UQCC1: variants seen among roughly 807,000 people sequenced by gnomAD.
UQCC1 encodes ubiquinol-cytochrome c reductase complex assembly factor 1, also known as bFGF-repressed Zic-binding protein.
A neutral mutation model predicts 48.0 loss-of-function variants in UQCC1; 38 were observed. That is an observed-to-expected ratio of 0.79 (90% CI 0.61 to 1.04). UQCC1 has a LOEUF of 1.04. Ranked by LOEUF, UQCC1 falls within the 50% of genes least tolerant of loss-of-function variation. The probability of loss-of-function intolerance (pLI) is 0.00; values close to 1 mark genes in which losing one functional copy is unlikely to be tolerated. For missense variants in UQCC1, 368 were observed against 381.8 expected (o/e 0.96, Z 0.30); for synonymous variants, 111 against 129.2 (o/e 0.86, Z 0.95).
intron 8 of UQCC1, among the ~76,000 whole-genome samples, chr20:35,309,935 C>T (rs558050905): frequency 1.3e-5 from 2 of 152,298 alleles, no homozygotes; most frequent in South Asian, 4.2e-4. Context: ...AGTAAAATCC[C>T]GGAGAATGAA....
At chr20:35,410,713 A>AAAAAAAAAAAAAAAAAAAAAC (rs1568722206) in intron 1 of UQCC1, among the ~76,000 whole-genome samples, 1 of 119,662 alleles carries the variant, frequency 8.4e-6, no homozygotes, top group African/African-American at 3.4e-5. Flanking sequence ...TCAAAAAAAA[A>AAAAAAAAAAAAAAAAAAAAAC]AAAAAAAAAA....
intron 2 of UQCC1, among the ~76,000 whole-genome samples, chr20:35,385,383 A>T (rs1445672102): frequency 6.6e-6 from 1 of 152,230 alleles, no homozygotes; most frequent in Non-Finnish European, 1.5e-5. Flanking sequence ...TGTGCCAGAT[A>T]CTATACAGAA....
intron 7 of UQCC1, among the ~76,000 whole-genome samples, chr20:35,339,522 G>A (rs1048901234): frequency 3.9e-5 from 6 of 152,252 alleles, no homozygotes; most frequent in South Asian, 2.1e-4. Flanking sequence ...GCACACTTAC[G>A]GCACCAGTGA....
intron 1 of UQCC1, among the ~76,000 whole-genome samples, chr20:35,395,422 C>T (rs367727770): frequency 1.3e-5 from 2 of 151,868 alleles, no homozygotes. Flanking sequence ...GAGGTCGAAA[C>T]CAGCCTGGGC....
At chr20:35,342,882 G>A (rs1189369994) in intron 7 of UQCC1, among the ~76,000 whole-genome samples, 2 of 152,052 alleles carry the variant, frequency 1.3e-5, no homozygotes, top group East Asian at 1.9e-4. Flanking sequence ...CCAGCTTCAC[G>A]ATGATATATG....
intron 8 of UQCC1, among the ~76,000 whole-genome samples, chr20:35,307,853 C>T (rs185611191): frequency 1.3e-5 from 2 of 152,276 alleles, no homozygotes; most frequent in South Asian, 2.1e-4. Context: ...CAGTCAAAAC[C>T]GTGGGGTCTG....
At chr20:35,313,552 G>T (rs983986542) in intron 8 of UQCC1, among the ~76,000 whole-genome samples, 17 of 152,088 alleles carry the variant, frequency 1.1e-4, no homozygotes. Flanking sequence ...GACAACATTC[G>T]GAAGGACATC....
At chr20:35,373,864 T>A (rs1313544584) in intron 5 of UQCC1, among the ~76,000 whole-genome samples, 2 of 152,152 alleles carry the variant, frequency 1.3e-5, no homozygotes, top group Non-Finnish European at 2.9e-5. Flanking sequence ...TTGCTCTCTG[T>A]TTACTCTATT....
chr20:35,313,675 G>A (rs1354438088), intron 8 of UQCC1, among the ~76,000 whole-genome samples: 8 of 151,514 alleles, frequency 5.3e-5, no homozygotes, highest in East Asian at 2.0e-4. Flanking sequence ...GTGCAGTGGC[G>A]CAATCTCAGC....
At chr20:35,394,596 A>G (rs1213260430) in intron 1 of UQCC1, among the ~76,000 whole-genome samples, 1 of 152,162 alleles carries the variant, frequency 6.6e-6, no homozygotes, top group Non-Finnish European at 1.5e-5. Context: ...ATAAGCCTCC[A>G]CAAAAATTCT....
chr20:35,374,778 G>A (rs2061777072), intron 4 of UQCC1, among the ~76,000 whole-genome samples: 1 of 151,868 alleles, frequency 6.6e-6, no homozygotes, highest in East Asian at 1.9e-4. Context: ...TTAACACTGT[G>A]TCTGTAAATA....
intron 2 of UQCC1, among the ~76,000 whole-genome samples, chr20:35,385,522 G>A (rs1046386080): frequency 1.3e-5 from 2 of 152,132 alleles, no homozygotes; most frequent in African/African-American, 4.8e-5. Flanking sequence ...TGTTTTTTGA[G>A]ACAAGGTCTG....
At chr20:35,331,842 G>A (rs945228355) in intron 7 of UQCC1, among the ~76,000 whole-genome samples, 1 of 152,168 alleles carries the variant, frequency 6.6e-6, no homozygotes, top group Non-Finnish European at 1.5e-5. Context: ...GACAGCTTAT[G>A]CTAGGTGCTA....
chr20:35,366,958 G>C (rs1380605833), intron 5 of UQCC1, among the ~76,000 whole-genome samples: 1 of 151,962 alleles, frequency 6.6e-6, no homozygotes, highest in Non-Finnish European at 1.5e-5. Flanking sequence ...ACCAGGCGTG[G>C]TGGTGGGCGC....
chr20:35,404,513 C>G (rs1434243092), intron 1 of UQCC1, among the ~76,000 whole-genome samples: 2 of 151,904 alleles, frequency 1.3e-5, no homozygotes, highest in Non-Finnish European at 2.9e-5. Context: ...GCACTCCAGC[C>G]TGGGTGACAA....
Position 35,394,190 on chromosome 20 carries a change from G to T in UQCC1, c.31C>A (p.Gln11Lys), listed in dbSNP as rs760884167. 1.2e-6 allele frequency: 2 copies of T among 1,613,630 alleles called. No homozygotes were observed. The highest frequency in any genetic ancestry group is 2.2e-5 in the South Asian group (2 of 91,054). ...GGAACCCACTGAGAAATGCTAGTCT[G>T]GTTCCTCTAAAGAAAGAAAATAATA... Reference protein sequence around the residue: MALLVRVLRNQTSISQWVPVC... With the variant: MALLVRVLRNKTSISQWVPVC... Residue 11 changes from glutamine (Q) to lysine (K), a missense_variant, in exon 2 of 10, where the codon CAG (glutamine) becomes AAG (lysine). Gln to Lys is a moderately conservative substitution (Grantham distance 53, BLOSUM62 1). Coordinates refer to ENST00000374385, the MANE Select transcript of UQCC1 (RefSeq NM_018244.5).
intron 8 of UQCC1, among the ~76,000 whole-genome samples, chr20:35,313,374 T>TA (rs1182863735): frequency 0.26 from 11,750 of 45,400 alleles, 2,185 homozygotes; most frequent in Non-Finnish European, 0.32. Context: ...AGACTCTGTC[T>TA]AAAAAAAAAA....
chr20:35,326,701 T>C (rs901020466), intron 7 of UQCC1, among the ~76,000 whole-genome samples: 1 of 152,192 alleles, frequency 6.6e-6, no homozygotes, highest in East Asian at 1.9e-4. Context: ...CCAGAGACAC[T>C]TGGAGGCTGC....
chr20:35,407,037 T>C (rs1334767797), intron 1 of UQCC1, among the ~76,000 whole-genome samples: 4 of 152,124 alleles, frequency 2.6e-5, no homozygotes, highest in African/African-American at 7.2e-5. Context: ...AAGACCAAAA[T>C]GTAGGACCTA....
Sources: allele counts gnomAD v4.1 joint callset (sites outside exome capture counted in the v4.1 genomes callset), GRCh38; gene constraint gnomAD v4.1.1; transcripts MANE v1.5; gene names NCBI Gene and HGNC (gene_info 2026-07-23, HGNC 2026-07-21).